The following TTC1 variants were observed in gnomAD, a reference collection of about 807,000 sequenced individuals.
TTC1 encodes the protein tetratricopeptide repeat domain 1, also known as tetratricopeptide repeat protein 1.
Under a neutral mutation model 37.6 loss-of-function variants are expected in TTC1, and 31 were observed. That is an observed-to-expected ratio of 0.82 (90% CI 0.62 to 1.11). The LOEUF (loss-of-function observed/expected upper bound fraction) is 1.11. TTC1 is among the 50% of genes most tolerant of loss of function. The probability of loss-of-function intolerance (pLI) is 0.00; values close to 1 mark genes in which losing one functional copy is unlikely to be tolerated. For synonymous variants in TTC1, 127 were observed against 122.4 expected, an observed-to-expected ratio of 1.04 and a Z score of -0.25; for missense variants, 351 against 339.0, an observed-to-expected ratio of 1.04 and a Z score of -0.28.
At chr5:160,055,719 C>G (rs770530811) in intron 7 of TTC1, among the ~76,000 whole-genome samples, 2 of 152,188 alleles carry the variant, frequency 1.3e-5, no homozygotes, top group Non-Finnish European at 2.9e-5. Flanking sequence ...ATAGAGGCAG[C>G]TCAGGTGAGG....
intron 4 of TTC1, chr5:160,038,791 T>G (rs59261962): frequency 0.15 from 22,862 of 151,524 alleles, 1,913 homozygotes; most frequent in East Asian, 0.27. Flanking sequence ...GCCTCCTGAG[T>G]AGCTGGGATT....
intron 7 of TTC1, among the ~76,000 whole-genome samples, chr5:160,053,550 T>C (rs1235198321): frequency 6.6e-6 from 1 of 152,182 alleles, no homozygotes; most frequent in East Asian, 1.9e-4. Context: ...GGTGACAGAG[T>C]GAGACCTTGT....
rs566658475 is a variant in TTC1 at position 160,023,668 on chromosome 5, A to G, written c.331-11472A>G. On this transcript the variant is annotated intron_variant, in intron 2 of 7. Coordinates refer to ENST00000231238, the MANE Select transcript of TTC1 (RefSeq NM_003314.3). ...ACTAAGCTTCCAAATACAAGGCTCA[A>G]TGGGGACAAAGCCGTGTGCACAAGG... 1.3e-3 allele frequency: 1,755 copies of G among 1,340,100 alleles called. 4 individuals are homozygous for G. Among genetic ancestry groups the G allele is most frequent in the Non-Finnish European group, 1.5e-3 (1,452 of 951,656 alleles). 83.0% of individuals were successfully genotyped at this position (1,340,100 alleles called of 1,614,324 possible).
intron 6 of TTC1, among the ~76,000 whole-genome samples, chr5:160,050,314 G>C (rs1235333692): frequency 2.6e-5 from 4 of 151,952 alleles, no homozygotes; most frequent in Non-Finnish European, 5.9e-5. Flanking sequence ...GGGTGTGGTG[G>C]CACATGCCTG....
intron 7 of TTC1, among the ~76,000 whole-genome samples, chr5:160,063,041 C>A (rs1025925193): frequency 1.3e-5 from 2 of 152,130 alleles, no homozygotes; most frequent in African/African-American, 4.8e-5. Context: ...CGTGTGTGTC[C>A]CAGGTTTAGG....
intron 2 of TTC1, among the ~76,000 whole-genome samples, chr5:160,016,181 C>T (rs1357690335): frequency 1.3e-5 from 2 of 152,156 alleles, no homozygotes; most frequent in African/African-American, 4.8e-5. Context: ...AATTCAAGAC[C>T]AGCCTGGCCA....
intron 2 of TTC1, among the ~76,000 whole-genome samples, chr5:160,034,794 G>A (rs1218338704): frequency 6.6e-6 from 1 of 152,158 alleles, no homozygotes; most frequent in South Asian, 2.1e-4. Flanking sequence ...ATTTACACTG[G>A]TATGCACACC....
intron 7 of TTC1, among the ~76,000 whole-genome samples, chr5:160,055,034 G>T (rs71603651): frequency 6.6e-6 from 1 of 152,132 alleles, no homozygotes; most frequent in Non-Finnish European, 1.5e-5. Context: ...CTTCCTGGGG[G>T]TTGGTTCTTT....
intron 7 of TTC1, among the ~76,000 whole-genome samples, chr5:160,063,145 C>T (rs577075231): frequency 1.3e-5 from 2 of 152,334 alleles, no homozygotes; most frequent in East Asian, 1.9e-4. Flanking sequence ...TTTCTCTGGA[C>T]ATAGTGAGCT....
intron 2 of TTC1, among the ~76,000 whole-genome samples, chr5:160,019,657 T>C (rs1419030319): frequency 6.7e-6 from 1 of 148,984 alleles, no homozygotes; most frequent in Non-Finnish European, 1.5e-5. Context: ...GTGCGATCTC[T>C]GCTCACTGCA....
At chr5:160,022,349 A>G (rs1357387099) in intron 2 of TTC1, among the ~76,000 whole-genome samples, 2 of 152,210 alleles carry the variant, frequency 1.3e-5, no homozygotes, top group South Asian at 2.1e-4. Context: ...ACATTTTGCC[A>G]TGCTACCCAG....
At chr5:160,062,633 T>C (rs755128625) in intron 7 of TTC1, among the ~76,000 whole-genome samples, 12 of 152,208 alleles carry the variant, frequency 7.9e-5, no homozygotes, top group Non-Finnish European at 1.5e-4. Context: ...CCTCCATCCA[T>C]GTAATGGCCC....
chr5:160,024,054 C>T (rs2113354087), intron 2 of TTC1: 2 of 1,185,264 alleles, frequency 1.7e-6, no homozygotes, highest in South Asian at 1.2e-5. Flanking sequence ...AATCAATATA[C>T]TCTGGTTAGC....
intron 4 of TTC1, among the ~76,000 whole-genome samples, chr5:160,041,868 A>C (rs1348442337): frequency 6.6e-6 from 1 of 152,184 alleles, no homozygotes; most frequent in East Asian, 1.9e-4. Context: ...TTATACAGCC[A>C]ACACCACTAT....
At chr5:160,022,482 T>A (rs912518479) in intron 2 of TTC1, among the ~76,000 whole-genome samples, 17 of 152,248 alleles carry the variant, frequency 1.1e-4, no homozygotes, top group Non-Finnish European at 1.8e-4. Flanking sequence ...AGAAAGTGAA[T>A]CAATCCATTT....
intron 4 of TTC1, among the ~76,000 whole-genome samples, chr5:160,042,800 A>G (rs940656208): frequency 1.3e-5 from 2 of 152,204 alleles, no homozygotes; most frequent in Non-Finnish European, 2.9e-5. Flanking sequence ...CATGTCAGTC[A>G]TTTGCCCTGT....
intron 2 of TTC1, among the ~76,000 whole-genome samples, chr5:160,025,941 C>G (rs552188325): frequency 6.6e-5 from 10 of 152,294 alleles, no homozygotes; most frequent in Non-Finnish European, 1.0e-4. Flanking sequence ...TATCATTTAA[C>G]TTGGCGTAAA....
At chr5:160,018,191 T>C (rs1006035177) in intron 2 of TTC1, among the ~76,000 whole-genome samples, 2 of 152,178 alleles carry the variant, frequency 1.3e-5, no homozygotes, top group Non-Finnish European at 2.9e-5. Flanking sequence ...GAAGGCACCA[T>C]ATTGAAGCAA....
intron 6 of TTC1, among the ~76,000 whole-genome samples, chr5:160,050,793 T>C (rs1757382077): frequency 6.6e-6 from 1 of 151,984 alleles, no homozygotes; most frequent in South Asian, 2.1e-4. Flanking sequence ...ACCCAGCTAA[T>C]TTTTGTATTT....
Sources: allele counts gnomAD v4.1 joint callset (sites outside exome capture counted in the v4.1 genomes callset), GRCh38; gene constraint gnomAD v4.1.1; transcripts MANE v1.5; gene names NCBI Gene and HGNC (gene_info 2026-07-23, HGNC 2026-07-21).